The following PRDM2 variants were observed in gnomAD, a reference collection of about 807,000 sequenced individuals.
PRDM2 encodes PR/SET domain 2.
In PRDM2, 30 loss-of-function variants were observed where a neutral mutation model predicts 130.0. The observed-to-expected ratio is 0.23, with a 90% CI of 0.17 to 0.31. The LOEUF (loss-of-function observed/expected upper bound fraction) is 0.31, where lower values mean the gene tolerates loss of function less well. Ranked by LOEUF, PRDM2 falls within the 10% of genes least tolerant of loss-of-function variation. The pLI, the probability that PRDM2 is intolerant of heterozygous loss-of-function variation, is 1.00. For missense variants in PRDM2, 2,011 were observed against 2,108.4 expected, an observed-to-expected ratio of 0.95 and a Z score of 0.90; for synonymous variants, 871 against 782.4, an observed-to-expected ratio of 1.11 and a Z score of -1.89.
At chr1:13,757,773 G>T (rs1643992930) in intron 6 of PRDM2, among the ~76,000 whole-genome samples, 1 of 140,608 alleles carries the variant, frequency 7.1e-6, no homozygotes, top group African/African-American at 2.6e-5. Context: ...TGCAGAGGTG[G>T]ATAGCTTTTT....
At chr1:13,720,550 AT>A (rs1439081344) in intron 2 of PRDM2, among the ~76,000 whole-genome samples, 1 of 152,198 alleles carries the variant, frequency 6.6e-6, no homozygotes, top group African/African-American at 2.4e-5. Flanking sequence ...GAGTTAAAAA[AT>A]TCTTAATAAA....
chr1:13,780,863 T>G lies in PRDM2; in HGVS notation c.3068T>G (p.Leu1023Arg). The stretch of plus-strand genomic sequence containing the variant: ...ACCGCACAGTCCCCACTTCCAATTC[T>G]GTCCCCAACAGTGTCCCCCTCTCCC... ...NATAQSPLPI[L>R]SPTVSPSPSP... The change falls in exon 8 of 10, where the codon CTG becomes CGG. Residue 1023 changes from leucine (L) to arginine (R), a missense_variant. By Grantham distance (102) the Leu-to-Arg change is moderately radical. Coordinates refer to ENST00000311066, the MANE Select transcript of PRDM2 (RefSeq NM_001393986.1). 1 of 1,610,672 alleles carries G rather than the reference T, an allele frequency of 6.2e-7. No individual in the cohort carries two copies. Among genetic ancestry groups the G allele is most frequent in the African/African-American group, 1.3e-5 (1 of 74,556 alleles).
At chr1:13,778,179 A>C (rs543596726) in intron 7 of PRDM2, among the ~76,000 whole-genome samples, 1 of 152,302 alleles carries the variant, frequency 6.6e-6, no homozygotes, top group African/African-American at 2.4e-5. Context: ...GTGTGTCCTC[A>C]CTGCCGGGAA....
rs1643733864 is a variant in PRDM2, at chr1:13,749,456, G to C, written c.480G>C (p.Arg160=). The C allele has an allele frequency of 6.7e-7, 1 of 1,500,160 alleles. No individual in the cohort carries two copies. Among genetic ancestry groups the C allele is most frequent in the African/African-American group, 1.5e-5 (1 of 68,798 alleles). 92.9% of individuals were successfully genotyped at this position (1,500,160 alleles called of 1,614,324 possible). A position where few individuals can be genotyped will look rare whatever the true frequency, so the allele number is the denominator to read the frequency against. Residue 160 remains arginine (R), a synonymous_variant, in exon 6 of 10, where the codon CGG becomes CGC. Coordinates refer to ENST00000311066, the MANE Select transcript of PRDM2 (RefSeq NM_001393986.1). ...TTGAGGAAGAGCGAGCCAGCGCCCG[G>C]AGCAAGCGGAGCTCCCCCAAGAGCC... ...AAIEEERASA[R]SKRSSPKSRK... is the part of the protein sequence containing the mutation.
At chr1:13,717,449 T>C in intron 2 of PRDM2, 1 of 983,498 alleles carries the variant, frequency 1.0e-6, no homozygotes, top group Non-Finnish European at 1.2e-6. Context: ...AAGTGGAATC[T>C]AAATGTTAAT....
rs571789583 is a variant in PRDM2, at chr1:13,793,128, C to T, written c.5036+10297C>T. 5.9e-5 allele frequency among the ~76,000 whole-genome samples: 9 copies of T among 152,340 alleles called. No homozygotes were observed. In the South Asian group the frequency reaches 1.7e-3, roughly 28 times the overall value. Reference sequence around the variant, plus strand: ...ATGGGAAGAACATGGGCATTGAATGCCTTCCCATCTAGGTGTTCCTTACCT... The same window carrying T: ...ATGGGAAGAACATGGGCATTGAATGTCTTCCCATCTAGGTGTTCCTTACCT... On this transcript the variant is annotated intron_variant, in intron 8 of 9. Transcript: ENST00000311066.
At chr1:13,792,385 T>C (rs898911178) in intron 8 of PRDM2, among the ~76,000 whole-genome samples, 31 of 152,220 alleles carry the variant, frequency 2.0e-4, no homozygotes, top group Admixed American at 2.0e-3. Flanking sequence ...GCAGTTGAAT[T>C]TGTCGTAGCA....
intron 4 of PRDM2, among the ~76,000 whole-genome samples, chr1:13,739,690 G>A (rs1436930188): frequency 6.6e-6 from 1 of 152,066 alleles, no homozygotes; most frequent in Non-Finnish European, 1.5e-5. Flanking sequence ...ATACATCTGG[G>A]TACAATTGTC....
Position 13,741,920 on chromosome 1 carries a change from G to T in PRDM2, c.232-85G>T, listed in dbSNP as rs776270462. Reference sequence around the variant, plus strand: ...TAGAGTACTTGCATATAATGAAAAAGAATTATCCTTAAAAGTTAAAAATGG... The same window carrying T: ...TAGAGTACTTGCATATAATGAAAAATAATTATCCTTAAAAGTTAAAAATGG... On this transcript the variant is annotated intron_variant, in intron 4 of 9. Transcript: ENST00000311066. 1.3e-5 allele frequency: 15 copies of T among 1,132,224 alleles called. No individual in the cohort carries two copies. The African/African-American group carries it at 1.9e-4, about 14-fold the overall frequency. 70.1% of individuals were successfully genotyped at this position (1,132,224 alleles called of 1,614,324 possible).
intron 4 of PRDM2, among the ~76,000 whole-genome samples, chr1:13,734,363 C>T (rs1489176795): frequency 6.6e-6 from 1 of 152,210 alleles, no homozygotes; most frequent in South Asian, 2.1e-4. Context: ...TTTAACACTA[C>T]GTTTAGTGAG....
At chr1:13,760,654 C>A (rs1644075105) in intron 6 of PRDM2, among the ~76,000 whole-genome samples, 1 of 152,138 alleles carries the variant, frequency 6.6e-6, no homozygotes, top group South Asian at 2.1e-4. Flanking sequence ...GGGTTACTCT[C>A]CATGTTTTGG....
chr1:13,766,842 C>T (rs140006509), intron 6 of PRDM2, among the ~76,000 whole-genome samples: 11 of 152,322 alleles, frequency 7.2e-5, no homozygotes, highest in Admixed American at 6.5e-5. Context: ...CATGAGCCTT[C>T]ACTGTTGTGA....
chr1:13,736,846 C>A (rs1643288228), intron 4 of PRDM2, among the ~76,000 whole-genome samples: 2 of 152,056 alleles, frequency 1.3e-5, no homozygotes, highest in African/African-American at 4.8e-5. Context: ...TTAATATTTA[C>A]ATTTTATTCA....
chr1:13,817,396 C>G (rs1645274106), intron 9 of PRDM2, among the ~76,000 whole-genome samples: 1 of 152,082 alleles, frequency 6.6e-6, no homozygotes, highest in South Asian at 2.1e-4. Flanking sequence ...TGGTAAAAAC[C>G]TGGAATTACT....
At chr1:13,768,304 C>T (rs770866098) in intron 6 of PRDM2, among the ~76,000 whole-genome samples, 15 of 151,720 alleles carry the variant, frequency 9.9e-5, no homozygotes, top group Non-Finnish European at 1.5e-4. Context: ...AGGATGGTCT[C>T]GATCTCCTGA....
intron 6 of PRDM2, among the ~76,000 whole-genome samples, chr1:13,762,170 T>C (rs1644114311): frequency 6.6e-6 from 1 of 152,266 alleles, no homozygotes; most frequent in Non-Finnish European, 1.5e-5. Context: ...CATTTACTTC[T>C]CTTTGACAAC....
At chr1:13,704,277 C>T (rs1465328724) in intron 1 of PRDM2, among the ~76,000 whole-genome samples, 1 of 151,092 alleles carries the variant, frequency 6.6e-6, no homozygotes, top group South Asian at 2.1e-4. Flanking sequence ...TCATTCCCCA[C>T]CCCCACCTTC....
chr1:13,794,807 G>T (rs938885640), intron 8 of PRDM2, among the ~76,000 whole-genome samples: 2 of 152,248 alleles, frequency 1.3e-5, no homozygotes, highest in African/African-American at 4.8e-5. Context: ...GACAGCGTGA[G>T]TTGTAGTAGC....
intron 5 of PRDM2, 81 bp from the exon 6 acceptor site, chr1:13,749,279 GC>G: frequency 8.0e-7 from 1 of 1,245,262 alleles, no homozygotes; most frequent in East Asian, 5.1e-5. Flanking sequence ...CGCCGCTCCC[GC>G]CCGCGTCCCG....
Sources: allele counts gnomAD v4.1 joint callset (sites outside exome capture counted in the v4.1 genomes callset), GRCh38; gene constraint gnomAD v4.1.1; transcripts MANE v1.5; gene names NCBI Gene and HGNC (gene_info 2026-07-23, HGNC 2026-07-21).